The following ANKRD6 variants were observed in gnomAD, a reference collection of about 807,000 sequenced individuals.
The protein encoded by ANKRD6 is ankyrin repeat domain 6, also known as ankyrin repeat domain-containing protein 6.
A neutral mutation model predicts 82.3 loss-of-function variants in ANKRD6; 56 were observed. The observed-to-expected ratio is 0.68, with a 90% CI of 0.55 to 0.85. The LOEUF (loss-of-function observed/expected upper bound fraction) is 0.85. Among genes scored for constraint, ANKRD6 ranks in the 40% least tolerant of loss-of-function variants. The pLI, the probability that ANKRD6 is intolerant of heterozygous loss-of-function variation, is 0.00. For missense variants in ANKRD6, 852 were observed against 907.6 expected, an observed-to-expected ratio of 0.94 and a Z score of 0.79; for synonymous variants, 347 against 352.1, an observed-to-expected ratio of 0.99 and a Z score of 0.16.
intron 3 of ANKRD6, chr6:89,598,159 T>C (rs1796304871): frequency 1.0e-6 from 1 of 984,940 alleles, no homozygotes; most frequent in South Asian, 4.7e-5. Context: ...TGGCCTGGAG[T>C]GGGATTATTA....
At chr6:89,448,435 AG>A (rs1170437082) in intron 1 of ANKRD6, among the ~76,000 whole-genome samples, 1 of 34,910 alleles carries the variant, frequency 2.9e-5, no homozygotes, top group Non-Finnish European at 5.3e-5. Flanking sequence ...TTGTCAAAAA[AG>A]AAAAAAAAAA....
intron 1 of ANKRD6, among the ~76,000 whole-genome samples, chr6:89,546,065 C>T (rs1487366360): frequency 6.6e-6 from 1 of 152,156 alleles, no homozygotes; most frequent in Admixed American, 6.5e-5. Flanking sequence ...CCTCAGCCTC[C>T]CAAAGTGCTG....
chr6:89,556,828 G>A (rs1266102143), intron 1 of ANKRD6, among the ~76,000 whole-genome samples: 1 of 152,186 alleles, frequency 6.6e-6, no homozygotes. Context: ...GGTAGGAACT[G>A]TTATCCCTTC....
At chr6:89,515,981 A>T (rs1479397280) in intron 1 of ANKRD6, among the ~76,000 whole-genome samples, 1 of 152,230 alleles carries the variant, frequency 6.6e-6, no homozygotes, top group Non-Finnish European at 1.5e-5. Flanking sequence ...GCTAAAAGGG[A>T]CAAGGAACAA....
In ANKRD6 at chr6:89,588,832, C is replaced by G. The variant is rs565895011; in HGVS notation, c.121-7084C>G. Among the ~76,000 whole-genome samples, 11 of 151,992 alleles carry G rather than the reference C, an allele frequency of 7.2e-5. No homozygotes were observed. In the East Asian group the frequency reaches 2.1e-3, roughly 30 times the overall value. On this transcript the variant is annotated intron_variant, in intron 2 of 15. Transcript: ENST00000339746. ...ACCAGCATGGCCAACATGGTGAAAC[C>G]CTGTCTCTACTAAAAATATAAAATT... is the stretch of plus-strand genomic sequence containing the variant.
intron 1 of ANKRD6, among the ~76,000 whole-genome samples, chr6:89,461,643 AT>A (rs1774154473): frequency 6.6e-6 from 1 of 152,214 alleles, no homozygotes; most frequent in Non-Finnish European, 1.5e-5. Flanking sequence ...AAAATTAGGA[AT>A]ATTATTAAAA....
chr6:89,470,681 T>C (rs62415440), intron 1 of ANKRD6, among the ~76,000 whole-genome samples: 1 of 21,484 alleles, frequency 4.7e-5, no homozygotes, highest in African/African-American at 2.9e-4. Context: ...TTTTTTCTGT[T>C]TTGTTTTGTT....
At position 89,450,398 on chromosome 6, in the gene ANKRD6, C is replaced by T. The variant is rs185508045; in HGVS notation, c.-144+17023C>T. Among the ~76,000 whole-genome samples the T allele has an allele frequency of 8.2e-4, 125 of 152,256 alleles. No individual in the cohort carries two copies. The East Asian group carries it at 8.5e-3, about 10-fold the overall frequency. ...CAACAGCCACCCCAACATTCAACAA[C>T]GATCACCCTGATCAGTCATCAGCCA... is the stretch of plus-strand genomic sequence containing the variant. On this transcript the variant is annotated intron_variant, in intron 1 of 15. Coordinates refer to ENST00000339746, the MANE Select transcript of ANKRD6 (RefSeq NM_001242809.2).
At chr6:89,504,199 G>A (rs778441766) in intron 1 of ANKRD6, among the ~76,000 whole-genome samples, 3 of 151,924 alleles carry the variant, frequency 2.0e-5, no homozygotes, top group Non-Finnish European at 2.9e-5. Flanking sequence ...CAGCATCCAC[G>A]TGAGAGGTGA....
chr6:89,466,932 C>T (rs1404749503), intron 1 of ANKRD6, among the ~76,000 whole-genome samples: 1 of 152,138 alleles, frequency 6.6e-6, no homozygotes, highest in Non-Finnish European at 1.5e-5. Context: ...GTCTTAAACT[C>T]CTGAGCTCAA....
intron 1 of ANKRD6, among the ~76,000 whole-genome samples, chr6:89,520,339 C>T (rs192515792): frequency 2.1e-3 from 314 of 152,334 alleles, no homozygotes; most frequent in Non-Finnish European, 3.8e-3. Context: ...TAGTCAGTTA[C>T]ATAGCCTCCT....
At chr6:89,533,759 T>C (rs1783482760) in intron 1 of ANKRD6, among the ~76,000 whole-genome samples, 1 of 151,614 alleles carries the variant, frequency 6.6e-6, no homozygotes, top group South Asian at 2.1e-4. Context: ...TGTGTGTGTG[T>C]GTGTGTGTGA....
intron 1 of ANKRD6, among the ~76,000 whole-genome samples, chr6:89,515,523 C>T (rs376417601): frequency 4.6e-5 from 7 of 152,258 alleles, no homozygotes; most frequent in Admixed American, 3.3e-4. Flanking sequence ...AAAATGTCTG[C>T]CCTGCCAAAG....
chr6:89,621,810 C>T (rs752562378), intron 9 of ANKRD6, 112 bp from the exon 10 acceptor site: 3 of 1,036,894 alleles, frequency 2.9e-6, no homozygotes. Context: ...CACCTGCTCT[C>T]ACCCTCTAAG....
chr6:89,467,085 G>A (rs548327893), intron 1 of ANKRD6, among the ~76,000 whole-genome samples: 96 of 151,814 alleles, frequency 6.3e-4, no homozygotes, highest in Non-Finnish European at 1.1e-3. Context: ...GGCATGTGCC[G>A]TAGTCTAGCT....
At chr6:89,471,359 C>CAAAAAAAA (rs568718441) in intron 1 of ANKRD6, among the ~76,000 whole-genome samples, 20 of 57,074 alleles carry the variant, frequency 3.5e-4, no homozygotes, top group Admixed American at 8.4e-4. Flanking sequence ...ACAACAACAA[C>CAAAAAAAA]AAAAAAAAAA....
chr6:89,521,349 G>A (rs1781865767), intron 1 of ANKRD6, among the ~76,000 whole-genome samples: 1 of 152,140 alleles, frequency 6.6e-6, no homozygotes, highest in Non-Finnish European at 1.5e-5. Context: ...TAGACTCAGG[G>A]TTCAGAGATG....
At chr6:89,629,293 T>C (rs1806762635) in intron 15 of ANKRD6, 55 bp downstream of exon 15, 2 of 1,608,000 alleles carry the variant, frequency 1.2e-6, no homozygotes, top group African/African-American at 1.3e-5. Context: ...CAGCAGCTCT[T>C]GTACTCTCCT....
chr6:89,538,227 A>G (rs1465474778), intron 1 of ANKRD6, among the ~76,000 whole-genome samples: 1 of 151,848 alleles, frequency 6.6e-6, no homozygotes, highest in Non-Finnish European at 1.5e-5. Context: ...TCTCCATCTC[A>G]TTTTTCCCCT....
Sources: gnomAD v4.1 joint callset for allele counts (sites outside exome capture counted in the v4.1 genomes callset) on GRCh38, gnomAD v4.1.1 for gene constraint, MANE v1.5 for transcripts, NCBI Gene and HGNC (gene_info 2026-07-23, HGNC 2026-07-21) for gene names.